Variants in VPS54 observed in about 807,000 individuals in gnomAD.
The protein encoded by VPS54 is VPS54 subunit of GARP complex, also known as vacuolar protein sorting-associated protein 54.
In VPS54, 45 loss-of-function variants were observed where a neutral mutation model predicts 121.5. The observed-to-expected ratio is 0.37, with a 90% CI of 0.29 to 0.47. VPS54 has a LOEUF of 0.47. Ranked by LOEUF, VPS54 falls within the 20% of genes least tolerant of loss-of-function variation. VPS54 has a pLI of 0.99. For synonymous variants in VPS54, 371 were observed against 385.8 expected (o/e 0.96, Z 0.45); for missense variants, 1,090 against 1,131.4 (o/e 0.96, Z 0.52).
At chr2:63,910,544 G>T (rs1673104477) in intron 20 of VPS54, among the ~76,000 whole-genome samples, 1 of 152,132 alleles carries the variant, frequency 6.6e-6, no homozygotes. Context: ...TATCAATTTT[G>T]TTAGGTGTGA....
intron 1 of VPS54, among the ~76,000 whole-genome samples, chr2:63,990,394 T>C (rs1228164092): frequency 6.6e-6 from 1 of 152,186 alleles, no homozygotes. Flanking sequence ...AGTCACCTAA[T>C]GGCTCCAGGA....
Position 63,962,050 on chromosome 2 carries a change from G to T in VPS54, c.1010+8C>A. 6.5e-7 allele frequency: 1 copy of T among 1,536,454 alleles called. No individual in the cohort carries two copies. Among genetic ancestry groups the T allele is most frequent in the South Asian group, 1.3e-5 (1 of 78,702 alleles). ...CATTATTTCTAGTGGCTTACTTAAT[G>T]AACATACCGGAAACTGTGAATGCCC... is the stretch of plus-strand genomic sequence containing the variant. On this transcript the variant is annotated splice_region_variant and intron_variant, in intron 7 of 22. Coordinates refer to ENST00000272322, the MANE Select transcript of VPS54 (RefSeq NM_016516.3).
intron 22 of VPS54, among the ~76,000 whole-genome samples, chr2:63,896,903 C>T (rs1672465102): frequency 6.6e-6 from 1 of 152,062 alleles, no homozygotes; most frequent in Non-Finnish European, 1.5e-5. Flanking sequence ...ATCTAAAAAA[C>T]CTAAGCTGAG....
chr2:63,897,282 G>A (rs376850501), intron 22 of VPS54, among the ~76,000 whole-genome samples: 4 of 151,364 alleles, frequency 2.6e-5, no homozygotes, highest in South Asian at 2.1e-4. Flanking sequence ...GATACATAAC[G>A]TCAGGTAAGC....
At chr2:63,909,725 GT>G (rs1553470849) in intron 20 of VPS54, among the ~76,000 whole-genome samples, 1,726 of 115,250 alleles carry the variant, frequency 0.015, 44 homozygotes, top group African/African-American at 0.049. Flanking sequence ...GCCGTTTTTG[GT>G]TTTTTTTTTT....
chr2:63,936,934 C>T (rs576526313), intron 11 of VPS54, among the ~76,000 whole-genome samples: 1 of 152,212 alleles, frequency 6.6e-6, no homozygotes, highest in East Asian at 1.9e-4. Context: ...ACTCGGAAAA[C>T]TGAATATCCA....
intron 5 of VPS54, 48 bp downstream of exon 5, chr2:63,968,909 A>G (rs200981412): frequency 1.3e-6 from 2 of 1,525,146 alleles, no homozygotes; most frequent in East Asian, 2.3e-5. Context: ...AGGCAAAATT[A>G]AAGATCAAAT....
intron 5 of VPS54, among the ~76,000 whole-genome samples, chr2:63,966,935 A>G (rs1329734449): frequency 6.6e-5 from 10 of 152,312 alleles, no homozygotes; most frequent in African/African-American, 2.2e-4. Context: ...ACATGACCCA[A>G]TCAAAAGGGC....
At chr2:64,004,629 G>C (rs1272866073) in intron 1 of VPS54, among the ~76,000 whole-genome samples, 1 of 152,160 alleles carries the variant, frequency 6.6e-6, no homozygotes, top group African/African-American at 2.4e-5. Flanking sequence ...CAGGAGTTAA[G>C]CTTTATTGTC....
At chr2:64,013,373 G>A (rs898325852) in intron 1 of VPS54, among the ~76,000 whole-genome samples, 6 of 151,898 alleles carry the variant, frequency 4.0e-5, no homozygotes, top group East Asian at 1.9e-4. Context: ...AGAGGAAGGC[G>A]GTAGGACTAG....
chr2:63,976,123 C>T (rs887165679), intron 3 of VPS54, among the ~76,000 whole-genome samples: 1 of 151,998 alleles, frequency 6.6e-6, no homozygotes, highest in African/African-American at 2.4e-5. Context: ...GGGCAGACTG[C>T]TTGAATTGAG....
At chr2:63,897,897 G>C (rs1672511930) in intron 21 of VPS54, among the ~76,000 whole-genome samples, 1 of 152,088 alleles carries the variant, frequency 6.6e-6, no homozygotes, top group Non-Finnish European at 1.5e-5. Context: ...GTAGGAAGTT[G>C]GTAGGGGAAA....
intron 11 of VPS54, among the ~76,000 whole-genome samples, chr2:63,934,515 T>G (rs1345871990): frequency 1.3e-5 from 2 of 152,164 alleles, no homozygotes; most frequent in Non-Finnish European, 2.9e-5. Flanking sequence ...CCTCAGTGCC[T>G]CTGCTGTTTC....
At chr2:63,905,720 C>A (rs955791841) in intron 20 of VPS54, among the ~76,000 whole-genome samples, 59 of 152,110 alleles carry the variant, frequency 3.9e-4, no homozygotes, top group African/African-American at 1.3e-3. Flanking sequence ...CAAATAGGCA[C>A]TTCAAAACAA....
At chr2:64,007,196 G>A (rs1211329775) in intron 1 of VPS54, among the ~76,000 whole-genome samples, 1 of 152,174 alleles carries the variant, frequency 6.6e-6, no homozygotes, top group Admixed American at 6.5e-5. Context: ...ACTAAAGGGG[G>A]TAAAAAGAAT....
Position 63,933,682 on chromosome 2 carries a change from A to C in VPS54, c.1730T>G (p.Val577Gly). ...TAGCCACTATACTCACATAATATCC[A>C]CACCTCCTGGAATAGCAGATGATGA... Reference protein sequence around the residue: ...HTSSSAIPGGVDIMVSEDMKL... With the variant: ...HTSSSAIPGGGDIMVSEDMKL... The change falls in exon 12 of 23, where the codon GTG becomes GGG. Residue 577 changes from valine to glycine, a missense_variant. Val to Gly is a moderately radical substitution (Grantham distance 109). Transcript: ENST00000272322. 6.2e-7 allele frequency: 1 copy of C among 1,611,650 alleles called. No homozygotes were observed. Among genetic ancestry groups the C allele is most frequent in the Non-Finnish European group, 8.5e-7 (1 of 1,179,252 alleles).
At chr2:63,955,627 TAATTA>T (rs1215342450) in intron 7 of VPS54, among the ~76,000 whole-genome samples, 2 of 152,076 alleles carry the variant, frequency 1.3e-5, no homozygotes, top group Non-Finnish European at 2.9e-5. Context: ...ACAGGCTATA[TAATTA>T]ATTTAATAAA....
chr2:63,941,556 T>C (rs1213894095), intron 11 of VPS54, among the ~76,000 whole-genome samples: 1 of 152,146 alleles, frequency 6.6e-6, no homozygotes, highest in Non-Finnish European at 1.5e-5. Context: ...AGTTATGACA[T>C]GTTGGTGATT....
intron 1 of VPS54, among the ~76,000 whole-genome samples, chr2:64,005,383 G>A (rs913266919): frequency 3.0e-4 from 46 of 151,882 alleles, no homozygotes; most frequent in East Asian, 5.8e-4. Flanking sequence ...GATTACAGGC[G>A]TGAGCCACCG....
Sources: allele counts gnomAD v4.1 joint callset (sites outside exome capture counted in the v4.1 genomes callset), GRCh38; gene constraint gnomAD v4.1.1; transcripts MANE v1.5; gene names NCBI Gene and HGNC (gene_info 2026-07-23, HGNC 2026-07-21).